Variants in PCDH7 observed in about 807,000 individuals in gnomAD.
PCDH7 encodes protocadherin 7.
A neutral mutation model predicts 58.9 loss-of-function variants in PCDH7; 17 were observed. That is an observed-to-expected ratio of 0.29 (90% CI 0.20 to 0.43). The LOEUF is 0.43. PCDH7 is among the 20% of genes least tolerant of loss of function. The probability of loss-of-function intolerance (pLI) is 1.00; values close to 1 mark genes in which losing one functional copy is unlikely to be tolerated. For synonymous variants in PCDH7, 664 were observed against 616.4 expected (o/e 1.08, Z -1.14); for missense variants, 1,274 against 1,441.0 (o/e 0.88, Z 1.88).
At chr4:30,968,320 T>TAC in intron 3 of PCDH7, among the ~76,000 whole-genome samples, 1 of 21,626 alleles carries the variant, frequency 4.6e-5, no homozygotes, top group South Asian at 1.7e-3. Context: ...ATATATACAC[T>TAC]ATATATATAT....
Position 31,034,652 on chromosome 4 carries a change from TA to T in PCDH7, c.*7+84442del, listed in dbSNP as rs1485836178. On this transcript the variant is annotated intron_variant, in intron 3 of 3. Coordinates refer to the PCDH7 transcript ENST00000509759. Reference sequence around the variant, plus strand: ...CTACTCCAGAATTTTTTTAGGATTGTAAAAATCTATCGTCATTTCATCATTT... The same window carrying T: ...CTACTCCAGAATTTTTTTAGGATTGTAAAATCTATCGTCATTTCATCATTT... Among the ~76,000 whole-genome samples the T allele has an allele frequency of 2.0e-5, 3 of 152,176 alleles. No homozygotes were observed. In the East Asian group the frequency reaches 5.8e-4, roughly 29 times the overall value.
intron 1 of PCDH7, among the ~76,000 whole-genome samples, chr4:30,865,851 C>T (rs966430605): frequency 2.0e-5 from 3 of 151,768 alleles, no homozygotes; most frequent in Non-Finnish European, 2.9e-5. Flanking sequence ...GTTTTTTGAC[C>T]CTTGAATCAC....
chr4:30,722,959 C>T lies in PCDH7; in HGVS notation c.1537C>T (p.Pro513Ser). The change falls in exon 1 of 2, where the codon CCC becomes TCC. Residue 513 changes from proline to serine, a missense_variant. Physicochemically the swap from Pro to Ser is moderately conservative, Grantham distance 74 (BLOSUM62 -1). Coordinates refer to ENST00000361762, the Ensembl canonical transcript of PCDH7. The surrounding 1 kb of genome is among the most constrained non-coding windows in gnomAD (Gnocchi z 7.6). ...CATCGTGGCGGTGGACTCAGGCAGCCCCAGCCTCTCGAGCAACAACTCCCT... is the reference window on the plus strand; with the variant it reads ...CATCGTGGCGGTGGACTCAGGCAGCTCCAGCCTCTCGAGCAACAACTCCCT... 1.2e-6 allele frequency: 2 copies of T among 1,613,722 alleles called. No homozygotes were observed. Among genetic ancestry groups the T allele is most frequent in the Non-Finnish European group, 8.5e-7 (1 of 1,180,038 alleles).
At chr4:30,882,588 T>C (rs898036059) in intron 1 of PCDH7, among the ~76,000 whole-genome samples, 1 of 152,120 alleles carries the variant, frequency 6.6e-6, no homozygotes, top group Admixed American at 6.5e-5. Flanking sequence ...GGATGTTAAA[T>C]ACAAGGTTAT....
intron 3 of PCDH7, among the ~76,000 whole-genome samples, chr4:31,056,506 A>AGG (rs1757239031): frequency 8.2e-6 from 1 of 122,074 alleles, no homozygotes; most frequent in Non-Finnish European, 1.7e-5. Context: ...AGAAAGAAAG[A>AGG]AAGAAAGAAA....
At chr4:31,078,463 C>T (rs74377470) in intron 3 of PCDH7, among the ~76,000 whole-genome samples, 13,440 of 150,996 alleles carry the variant, frequency 0.089, 694 homozygotes, top group South Asian at 0.18. Context: ...TTTTTTTCTT[C>T]CTTTCTTTCT....
At chr4:30,860,796 T>C (rs1444160267) in intron 1 of PCDH7, among the ~76,000 whole-genome samples, 1 of 152,144 alleles carries the variant, frequency 6.6e-6, no homozygotes, top group Admixed American at 6.6e-5. Flanking sequence ...TTCTAAAGAG[T>C]ATGCAGGCTT....
At chr4:31,007,083 A>C (rs1314530554) in intron 3 of PCDH7, among the ~76,000 whole-genome samples, 1 of 152,178 alleles carries the variant, frequency 6.6e-6, no homozygotes, top group Admixed American at 6.5e-5. Flanking sequence ...GAAGTGAGGC[A>C]CTGGTATAAC....
chr4:30,977,718 G>T (rs1750196010), intron 3 of PCDH7, among the ~76,000 whole-genome samples: 1 of 152,136 alleles, frequency 6.6e-6, no homozygotes, highest in African/African-American at 2.4e-5. Context: ...CATAGTGTGA[G>T]TCATGGAGGT....
At chr4:31,034,022 A>G (rs948933919) in intron 3 of PCDH7, among the ~76,000 whole-genome samples, 18 of 152,248 alleles carry the variant, frequency 1.2e-4, no homozygotes, top group Admixed American at 2.0e-4. Flanking sequence ...TGAGTCCGGG[A>G]GGCAGAGGTT....
chr4:30,903,834 A>AT lies in PCDH7; in HGVS notation c.71-16311dup, dbSNP rs375957737. 4.4e-3 allele frequency among the ~76,000 whole-genome samples: 663 copies of AT among 151,920 alleles called. 3 individuals carry two copies. The highest frequency in any genetic ancestry group is 0.015 in the African/African-American group (624 of 41,448). ...GGATTCCAGAGACCTAGCCTACTTC[A>AT]TTTTTTTTGTTTTTGGTGTTTTTTT... On this transcript the variant is annotated intron_variant, in intron 1 of 3. Coordinates refer to the PCDH7 transcript ENST00000509759.
intron 1 of PCDH7, among the ~76,000 whole-genome samples, chr4:30,785,029 G>A (rs576978502): frequency 1.3e-5 from 2 of 152,030 alleles, no homozygotes; most frequent in African/African-American, 4.8e-5. Flanking sequence ...AACCAAACAT[G>A]TACCAAAAAC....
In PCDH7 at chr4:30,924,444, T is replaced by C. The variant is rs189095382; in HGVS notation, c.287+4075T>C. ...TGGAGACATTTGTCTCATAGTAAGA[T>C]AGTGAGTGAATTTGACAATGTATGT... On this transcript the variant is annotated intron_variant, in intron 2 of 3. Coordinates refer to the PCDH7 transcript ENST00000509759. Among the ~76,000 whole-genome samples the C allele has an allele frequency of 2.2e-4, 33 of 152,334 alleles. No homozygotes were observed. In the East Asian group the frequency reaches 4.6e-3, roughly 21 times the overall value.
At chr4:30,864,343 G>A (rs1734597052) in intron 1 of PCDH7, among the ~76,000 whole-genome samples, 1 of 151,478 alleles carries the variant, frequency 6.6e-6, no homozygotes, top group African/African-American at 2.4e-5. Flanking sequence ...AAAAAATAGG[G>A]AATTTATAGA....
At chr4:30,844,028 G>A in intron 1 of PCDH7, among the ~76,000 whole-genome samples, 1 of 152,192 alleles carries the variant, frequency 6.6e-6, no homozygotes, top group East Asian at 1.9e-4. Flanking sequence ...TACTTGCACT[G>A]TATGGTTCTC....
intron 3 of PCDH7, among the ~76,000 whole-genome samples, chr4:30,975,001 G>A (rs917998568): frequency 1.3e-5 from 2 of 152,254 alleles, no homozygotes; most frequent in Non-Finnish European, 2.9e-5. Context: ...GGAGATAACC[G>A]TATTGTAGTT....
intron 3 of PCDH7, among the ~76,000 whole-genome samples, chr4:31,075,864 A>C (rs28520766): frequency 0.026 from 3,985 of 151,610 alleles, 184 homozygotes; most frequent in African/African-American, 0.091. Flanking sequence ...AAATTTCTTC[A>C]GTGTATCTCC....
intron 1 of PCDH7, among the ~76,000 whole-genome samples, chr4:30,889,255 C>A (rs148063926): frequency 2.0e-5 from 3 of 150,770 alleles, no homozygotes; most frequent in Admixed American, 6.6e-5. Context: ...GCATTTATGA[C>A]GTAGTTTGAA....
intron 3 of PCDH7, among the ~76,000 whole-genome samples, chr4:31,028,735 GAGCTAC>G (rs1754652554): frequency 6.6e-6 from 1 of 151,686 alleles, no homozygotes; most frequent in East Asian, 1.9e-4. Context: ...AACCTTACAT[GAGCTAC>G]AGTTCTTCAT....
Sources: gnomAD v4.1 joint callset for allele counts (sites outside exome capture counted in the v4.1 genomes callset) on GRCh38, gnomAD v4.1.1 for gene constraint, Gnocchi (gnomAD v3.1) non-coding constraint, MANE v1.5 for transcripts, NCBI Gene and HGNC (gene_info 2026-07-23, HGNC 2026-07-21) for gene names.